Variants in PLA2G4A observed in about 807,000 individuals in gnomAD.
PLA2G4A encodes the protein phospholipase A2 group IVA, also known as cytosolic phospholipase A2.
PLA2G4A carries 40 observed loss-of-function variants against 81.9 expected under a neutral mutation model. That is an observed-to-expected ratio of 0.49 (90% confidence interval 0.38 to 0.64). PLA2G4A has a LOEUF of 0.64. Ranked by LOEUF, PLA2G4A falls within the 30% of genes least tolerant of loss-of-function variation. The pLI, the probability that PLA2G4A is intolerant of heterozygous loss-of-function variation, is 0.00. For missense variants in PLA2G4A, 715 were observed against 905.1 expected (o/e 0.79, Z 2.69); for synonymous variants, 302 against 296.9 (o/e 1.02, Z -0.18).
At position 186,836,569 on chromosome 1, in the gene PLA2G4A, T is replaced by A. The variant is rs141624268; in HGVS notation, c.-70+7534T>A. On this transcript the variant is annotated intron_variant, in intron 1 of 17. Coordinates refer to ENST00000367466, the MANE Select transcript of PLA2G4A (RefSeq NM_024420.3). ...TAATACTTAGAAAAAGAACAGGTAT[T>A]GTATGAAGCTATTTAGATAATATCT... Among the ~76,000 whole-genome samples the A allele has an allele frequency of 2.1e-3, 319 of 152,334 alleles. 8 individuals are homozygous for A. The highest frequency in any genetic ancestry group is 0.02 in the Admixed American group (301 of 15,290).
rs544446278 is a variant in PLA2G4A, at chr1:186,881,929, T to C, written c.116-11082T>C. Among the ~76,000 whole-genome samples the C allele has an allele frequency of 4.6e-5, 7 of 152,078 alleles. No homozygotes were observed. The South Asian group carries it at 1.5e-3, about 32-fold the overall frequency. ...CATGTGAGACTCTTGGACACAGGAGTGAATAGGAAGGCTGTGCTCACTGCT... is the reference window on the plus strand; with the variant it reads ...CATGTGAGACTCTTGGACACAGGAGCGAATAGGAAGGCTGTGCTCACTGCT... On this transcript the variant is annotated intron_variant, in intron 3 of 17. Coordinates refer to ENST00000367466, the MANE Select transcript of PLA2G4A (RefSeq NM_024420.3).
At chr1:186,890,615 G>A (rs1295395868) in intron 3 of PLA2G4A, among the ~76,000 whole-genome samples, 1 of 152,120 alleles carries the variant, frequency 6.6e-6, no homozygotes, top group East Asian at 1.9e-4. Flanking sequence ...CAGCACTTCG[G>A]GAGTCTGAGG....
chr1:186,916,665 A>T (rs1389168436), intron 7 of PLA2G4A, among the ~76,000 whole-genome samples: 2 of 152,138 alleles, frequency 1.3e-5, no homozygotes, highest in Non-Finnish European at 2.9e-5. Flanking sequence ...GGAGGCTCAG[A>T]GGGGTCATAA....
rs1486240535 is a variant in PLA2G4A, at chr1:186,870,781, T to C, written c.115+265T>C. 8.6e-6 allele frequency: 12 copies of C among 1,390,678 alleles called. No homozygotes were observed. In the Middle Eastern group the frequency reaches 1.4e-3, roughly 164 times the overall value. The allele number at this position is 1,390,678 out of a possible 1,614,324, so 86.1% of individuals were successfully genotyped here. A position where few individuals can be genotyped will look rare whatever the true frequency, so the allele number is the denominator to read the frequency against. ...CTTATTTTCTTTGCTGTTAAACGTA[T>C]AATTATGGTTCAGCCTTTAATTACT... is the stretch of plus-strand genomic sequence containing the variant. On this transcript the variant is annotated intron_variant, in intron 3 of 17. Transcript: ENST00000367466.
chr1:186,911,287 T>C lies in PLA2G4A; in HGVS notation c.456T>C (p.Asp152=). ...TACGATTTAGTATGGCTCTGTGTGA[T>C]CAGGAGAAGACTTTCAGACAACAGA... ...PDLRFSMALC[D]QEKTFRQQRK... The change falls in exon 7 of 18, where the codon GAT becomes GAC. Residue 152 remains aspartate (D), a synonymous_variant. Transcript: ENST00000367466. 2 of 1,612,054 alleles carry C rather than the reference T, an allele frequency of 1.2e-6. No homozygotes were observed. The highest frequency in any genetic ancestry group is 1.7e-6 in the Non-Finnish European group (2 of 1,178,130).
In PLA2G4A at chr1:186,939,041, T is replaced by C. The variant is rs1203821532; in HGVS notation, c.729T>C (p.Phe243=). The C allele has an allele frequency of 3.7e-6, 6 of 1,608,460 alleles. No homozygotes were observed. The African/African-American group carries it at 8.0e-5, about 22-fold the overall frequency. ...YMSTLYSHPD[F]PEKGPEEINE... ...CAACCTTGTATTCTCACCCTGATTT[T>C]CCAGAGAAAGGGCCAGAGGAGATTA... is the stretch of plus-strand genomic sequence containing the variant. Residue 243 remains phenylalanine, a synonymous_variant, in exon 9 of 18, where the codon TTT becomes TTC. Coordinates refer to ENST00000367466, the MANE Select transcript of PLA2G4A (RefSeq NM_024420.3).
At chr1:186,839,244 G>T (rs1215602124) in intron 1 of PLA2G4A, among the ~76,000 whole-genome samples, 2 of 152,166 alleles carry the variant, frequency 1.3e-5, no homozygotes, top group Non-Finnish European at 2.9e-5. Context: ...TGGTCAGATG[G>T]ATTTCAGTTT....
At chr1:186,965,724 TA>T in intron 15 of PLA2G4A, 131 bp downstream of exon 15, 1 of 748,186 alleles carries the variant, frequency 1.3e-6, no homozygotes. Flanking sequence ...GTAATAGTTC[TA>T]AAACGCAAAC....
At chr1:186,875,637 A>T (rs894499893) in intron 3 of PLA2G4A, among the ~76,000 whole-genome samples, 2 of 152,010 alleles carry the variant, frequency 1.3e-5, no homozygotes. Context: ...TTAATATATA[A>T]TTCTCTTTCA....
chr1:186,979,544 T>C, intron 17 of PLA2G4A, 72 bp downstream of exon 17: 1 of 963,864 alleles, frequency 1.0e-6, no homozygotes, highest in Non-Finnish European at 1.7e-6. Context: ...ATACCTCTTT[T>C]CAATTAAAAA....
chr1:186,833,163 T>C (rs932845159), intron 1 of PLA2G4A, among the ~76,000 whole-genome samples: 2 of 152,100 alleles, frequency 1.3e-5, no homozygotes, highest in African/African-American at 4.8e-5. Context: ...CCCAACACTT[T>C]GGCAGGCTTG....
intron 1 of PLA2G4A, among the ~76,000 whole-genome samples, chr1:186,836,199 T>C (rs956352697): frequency 6.6e-6 from 1 of 151,452 alleles, no homozygotes; most frequent in African/African-American, 2.4e-5. Flanking sequence ...CCAGTATTAA[T>C]ATATAGCCTA....
chr1:186,868,236 G>A (rs989167631), intron 2 of PLA2G4A, among the ~76,000 whole-genome samples: 2 of 151,606 alleles, frequency 1.3e-5, no homozygotes, highest in African/African-American at 2.4e-5. Context: ...CACCATGCCC[G>A]GCTAATTTTT....
rs541981572 is a variant in PLA2G4A, at chr1:186,850,891, T to TA, written c.-69-3387dup. On this transcript the variant is annotated intron_variant, in intron 1 of 17. Coordinates refer to ENST00000367466, the MANE Select transcript of PLA2G4A (RefSeq NM_024420.3). Reference sequence around the variant, plus strand: ...TATTTATTTTTAAGTGGCAAATATATAAAAAAAACTTATTTTCTACTGTCA... The same window carrying TA: ...TATTTATTTTTAAGTGGCAAATATATAAAAAAAAACTTATTTTCTACTGTCA... Among the ~76,000 whole-genome samples the TA allele has an allele frequency of 5.6e-3, 847 of 152,058 alleles. 8 individuals are homozygous for TA. Among genetic ancestry groups the TA allele is most frequent in the Middle Eastern group, 0.024 (7 of 294 alleles).
chr1:186,864,941 C>CAAAAAA (rs1329492704), intron 2 of PLA2G4A, among the ~76,000 whole-genome samples: 4 of 150,702 alleles, frequency 2.7e-5, no homozygotes, highest in Non-Finnish European at 5.9e-5. Context: ...AAAACAAAAA[C>CAAAAAA]AAAAAACAAA....
At position 186,941,704 on chromosome 1, in the gene PLA2G4A, G is replaced by A. The variant is rs537029604; in HGVS notation, c.1033+1610G>A. Among the ~76,000 whole-genome samples, 9 of 152,172 alleles carry A rather than the reference G, an allele frequency of 5.9e-5. No individual in the cohort carries two copies. In the South Asian group the frequency reaches 1.2e-3, roughly 21 times the overall value. ...TCTATATAGATTGCAGCAGTCTGCC[G>A]GGCGCTAAGGATGAATTCCTCTTTC... On this transcript the variant is annotated intron_variant, in intron 10 of 17. Coordinates refer to ENST00000367466, the MANE Select transcript of PLA2G4A (RefSeq NM_024420.3).
chr1:186,978,363 G>A (rs558351211), intron 16 of PLA2G4A, among the ~76,000 whole-genome samples: 1 of 152,228 alleles, frequency 6.6e-6, no homozygotes, highest in South Asian at 2.1e-4. Flanking sequence ...AGATTTACAT[G>A]CAGGGTGCTT....
At chr1:186,935,253 G>A (rs1335417891) in intron 8 of PLA2G4A, among the ~76,000 whole-genome samples, 1 of 151,638 alleles carries the variant, frequency 6.6e-6, no homozygotes, top group African/African-American at 2.4e-5. Context: ...ACATGAGATT[G>A]TAAAAAATAA....
At chr1:186,958,765 G>A (rs1365613397) in intron 14 of PLA2G4A, among the ~76,000 whole-genome samples, 1 of 139,954 alleles carries the variant, frequency 7.1e-6, no homozygotes, top group Non-Finnish European at 1.6e-5. Flanking sequence ...AGCTCCTTAT[G>A]TAGTTTTCAC....
Sources: allele counts gnomAD v4.1 joint callset (sites outside exome capture counted in the v4.1 genomes callset), GRCh38; gene constraint gnomAD v4.1.1; transcripts MANE v1.5; gene names NCBI Gene and HGNC (gene_info 2026-07-23, HGNC 2026-07-21).